The following ZFHX3 variants were observed in gnomAD, a reference collection of about 807,000 sequenced individuals.
The protein encoded by ZFHX3 is zinc finger homeobox protein 3.
A neutral mutation model predicts 279.1 loss-of-function variants in ZFHX3; 42 were observed. The ratio of observed to expected loss-of-function variants is 0.15; its 90% CI spans 0.12 to 0.19. ZFHX3 has a LOEUF of 0.19. Ranked by LOEUF, ZFHX3 falls within the 10% of genes least tolerant of loss-of-function variation. The pLI, the probability that ZFHX3 is intolerant of heterozygous loss-of-function variation, is 1.00. For missense variants in ZFHX3, 4,981 were observed against 4,754.0 expected (o/e 1.05, Z -1.40); for synonymous variants, 2,293 against 1,957.8 (o/e 1.17, Z -4.52).
chr16:73,593,432 G>T (rs1020724097), intron 2 of ZFHX3, among the ~76,000 whole-genome samples: 1 of 151,954 alleles, frequency 6.6e-6, no homozygotes, highest in African/African-American at 2.4e-5. Context: ...TAACCAAACA[G>T]GTTTTATCCC....
At chr16:73,541,786 CTTTTTTTTTTTTT>C (rs546761843) in intron 2 of ZFHX3, among the ~76,000 whole-genome samples, 2,360 of 88,154 alleles carry the variant, frequency 0.027, 86 homozygotes, top group African/African-American at 0.091. Flanking sequence ...TGGTGGTTCT[CTTTTTTTTTTTTT>C]TTTTTTTTTT....
At chr16:73,515,835 C>T (rs989906868) in intron 2 of ZFHX3, among the ~76,000 whole-genome samples, 2 of 152,178 alleles carry the variant, frequency 1.3e-5, no homozygotes, top group African/African-American at 2.4e-5. Flanking sequence ...TGTTTAAATG[C>T]AATGATTATG....
intron 2 of ZFHX3, among the ~76,000 whole-genome samples, chr16:73,597,903 C>T (rs1466168804): frequency 6.6e-6 from 1 of 152,184 alleles, no homozygotes; most frequent in Admixed American, 6.5e-5. Context: ...GTGTGAAGAT[C>T]AGTAACTGCT....
intron 3 of ZFHX3, among the ~76,000 whole-genome samples, chr16:73,364,416 G>A (rs1861476693): frequency 6.6e-6 from 1 of 151,306 alleles, no homozygotes; most frequent in Admixed American, 6.6e-5. Context: ...AAATATATTA[G>A]TAGGTATACA....
intron 7 of ZFHX3, among the ~76,000 whole-genome samples, chr16:72,802,498 G>GTAAC (rs1425147403): frequency 1.3e-5 from 2 of 152,080 alleles, no homozygotes; most frequent in African/African-American, 4.8e-5. Context: ...ATGTGTTTAA[G>GTAAC]TAACTACTTT....
At chr16:73,488,039 T>G (rs1019935399) in intron 2 of ZFHX3, among the ~76,000 whole-genome samples, 2 of 152,220 alleles carry the variant, frequency 1.3e-5, no homozygotes, top group Non-Finnish European at 2.9e-5. Context: ...ATGTTCTACC[T>G]GCAGAGCAGT....
chr16:73,417,291 T>G (rs1369474686), intron 3 of ZFHX3, among the ~76,000 whole-genome samples: 2 of 151,690 alleles, frequency 1.3e-5, no homozygotes, highest in Non-Finnish European at 2.9e-5. Flanking sequence ...GTGGATAGGA[T>G]CCAAGAAACA....
intron 1 of ZFHX3, among the ~76,000 whole-genome samples, chr16:73,789,169 A>G (rs1279087173): frequency 1.3e-5 from 2 of 151,658 alleles, no homozygotes; most frequent in Non-Finnish European, 1.5e-5. Flanking sequence ...ATATGGATAG[A>G]TATGGATTTT....
chr16:73,612,590 T>C (rs1197701147), intron 2 of ZFHX3, among the ~76,000 whole-genome samples: 1 of 152,202 alleles, frequency 6.6e-6, no homozygotes, highest in Non-Finnish European at 1.5e-5. Flanking sequence ...AAATGTATGG[T>C]ATGTAAATTA....
intron 1 of ZFHX3, among the ~76,000 whole-genome samples, chr16:73,014,028 C>G (rs1181033539): frequency 1.3e-5 from 2 of 152,148 alleles, no homozygotes; most frequent in Admixed American, 6.5e-5. Context: ...GGGCCTGATG[C>G]AATCACAGGG....
intron 2 of ZFHX3, among the ~76,000 whole-genome samples, chr16:72,954,584 G>A (rs920846770): frequency 6.6e-6 from 1 of 152,192 alleles, no homozygotes; most frequent in Non-Finnish European, 1.5e-5. Context: ...GAAGGGAGCT[G>A]CTAAACCTTG....
chr16:73,541,715 A>G (rs1483117205), intron 2 of ZFHX3, among the ~76,000 whole-genome samples: 1 of 142,256 alleles, frequency 7.0e-6, no homozygotes, highest in African/African-American at 2.6e-5. Flanking sequence ...CAAATACGGG[A>G]GTGCAGTCGC....
chr16:73,460,214 C>T (rs2018449798), intron 2 of ZFHX3, among the ~76,000 whole-genome samples: 1 of 133,906 alleles, frequency 7.5e-6, no homozygotes, highest in Admixed American at 7.6e-5. Flanking sequence ...TGGAATATTA[C>T]AGTCTGTAAA....
chr16:73,465,567 C>A (rs1038440754), intron 2 of ZFHX3, among the ~76,000 whole-genome samples: 4 of 152,180 alleles, frequency 2.6e-5, no homozygotes, highest in African/African-American at 9.7e-5. Flanking sequence ...TCTAGCTCAG[C>A]ATTCAAGGCT....
At chr16:73,077,407 T>C (rs1488804187) in intron 8 of ZFHX3, among the ~76,000 whole-genome samples, 6 of 152,130 alleles carry the variant, frequency 3.9e-5, no homozygotes, top group African/African-American at 1.4e-4. Flanking sequence ...ACTGCGCACT[T>C]CCCTGTTTCT....
intron 2 of ZFHX3, among the ~76,000 whole-genome samples, chr16:73,573,046 A>G (rs570828835): frequency 2.2e-4 from 34 of 152,314 alleles, no homozygotes; most frequent in Non-Finnish European, 4.4e-4. Flanking sequence ...CGTGACCCCA[A>G]ACCATCTTGT....
intron 4 of ZFHX3, among the ~76,000 whole-genome samples, chr16:72,856,182 C>T (rs1467903446): frequency 6.6e-6 from 1 of 152,202 alleles, no homozygotes; most frequent in Admixed American, 6.5e-5. Context: ...GATGACACAG[C>T]GTGCATGTAA....
chr16:73,775,315 C>T (rs1001050948), intron 1 of ZFHX3, among the ~76,000 whole-genome samples: 1 of 152,090 alleles, frequency 6.6e-6, no homozygotes, highest in African/African-American at 2.4e-5. Flanking sequence ...TTAGTGAGGC[C>T]ATCCTATTGT....
At chr16:73,004,884 C>T (rs1022430474) in intron 1 of ZFHX3, among the ~76,000 whole-genome samples, 5 of 152,162 alleles carry the variant, frequency 3.3e-5, no homozygotes, top group African/African-American at 1.2e-4. Context: ...TTTAGTTTTA[C>T]TTTTACCTCT....
Sources: allele counts gnomAD v4.1 joint callset (sites outside exome capture counted in the v4.1 genomes callset), GRCh38; gene constraint gnomAD v4.1.1; transcripts MANE v1.5; gene names NCBI Gene and HGNC (gene_info 2026-07-23, HGNC 2026-07-21).